The following GALNT13 variants were observed in gnomAD, a reference collection of about 807,000 sequenced individuals.
GALNT13 encodes the protein UDP-GalNAc:polypeptide N-acetylgalactosaminyltransferase 13.
Under a neutral mutation model 64.2 loss-of-function variants are expected in GALNT13, and 28 were observed. That is an observed-to-expected ratio of 0.44 (90% CI 0.32 to 0.60). The LOEUF (loss-of-function observed/expected upper bound fraction) is 0.60, where lower values mean the gene tolerates loss of function less well. Ranked by LOEUF, GALNT13 falls within the 20% of genes least tolerant of loss-of-function variation. The probability of loss-of-function intolerance (pLI) is 0.05; values close to 1 mark genes in which losing one functional copy is unlikely to be tolerated. For missense variants in GALNT13, 577 were observed against 669.8 expected (o/e 0.86, Z 1.53); for synonymous variants, 214 against 224.6 (o/e 0.95, Z 0.42).
At position 154,190,388 on chromosome 2, in the gene GALNT13, A is replaced by G. The variant is rs78977562; in HGVS notation, c.311+49883A>G. On this transcript the variant is annotated intron_variant, in intron 4 of 12. Coordinates refer to ENST00000392825, the MANE Select transcript of GALNT13 (RefSeq NM_052917.4). ...TAGGTATGTAGCTCTCCTTAGAATC[A>G]CAGCACTATGTGATTAACATGCTGG... Among the ~76,000 whole-genome samples the G allele has an allele frequency of 6.8e-3, 1,034 of 152,336 alleles. 8 individuals are homozygous for G. The highest frequency in any genetic ancestry group is 0.024 in the African/African-American group (999 of 41,570).
At chr2:153,419,132 A>G in the GALNT13 span, among the ~76,000 whole-genome samples, 1 of 152,224 alleles carries the variant, frequency 6.6e-6, no homozygotes, top group Non-Finnish European at 1.5e-5. Context: ...ACAGTTCCTC[A>G]GGGCTGGGGA....
intron 9 of GALNT13, among the ~76,000 whole-genome samples, chr2:154,387,022 C>T (rs1247084889): frequency 1.3e-5 from 2 of 152,090 alleles, no homozygotes; most frequent in Middle Eastern, 3.4e-3. Context: ...ATTTTTACTC[C>T]ATTAAAATAA....
At chr2:153,416,663 C>T in the GALNT13 span, among the ~76,000 whole-genome samples, 2 of 152,248 alleles carry the variant, frequency 1.3e-5, no homozygotes, top group East Asian at 3.9e-4. Context: ...AGGGTTATAT[C>T]TATTGGTGTT....
At chr2:153,780,236 T>TATATATATATATATATGC in the GALNT13 span, among the ~76,000 whole-genome samples, 6 of 11,214 alleles carry the variant, frequency 5.4e-4, no homozygotes, top group African/African-American at 1.2e-3. Flanking sequence ...TATATATATA[T>TATATATATATATATATGC]ATATATATAT....
At chr2:154,043,298 C>CA (rs1369259258) in intron 3 of GALNT13, among the ~76,000 whole-genome samples, 1 of 151,098 alleles carries the variant, frequency 6.6e-6, no homozygotes, top group Non-Finnish European at 1.5e-5. Context: ...GTAAATAAAG[C>CA]AAAAGAGTAA....
At chr2:154,216,759 AT>A (rs1192845115) in intron 4 of GALNT13, among the ~76,000 whole-genome samples, 1 of 137,144 alleles carries the variant, frequency 7.3e-6, no homozygotes, top group Non-Finnish European at 1.6e-5. Context: ...CTTTAAAATT[AT>A]TTTAAAAGGC....
chr2:153,202,319 T>C, the GALNT13 span, among the ~76,000 whole-genome samples: 2 of 152,290 alleles, frequency 1.3e-5, no homozygotes, highest in South Asian at 4.1e-4. Flanking sequence ...TTTCCCTGCC[T>C]TCTTCATTCA....
intron 9 of GALNT13, among the ~76,000 whole-genome samples, chr2:154,377,967 CACCCTTTTG>C (rs1468106181): frequency 1.3e-5 from 2 of 152,082 alleles, no homozygotes; most frequent in Admixed American, 1.3e-4. Flanking sequence ...AAAGACGTGC[CACCCTTTTG>C]GAGTGCATTC....
the GALNT13 span, among the ~76,000 whole-genome samples, chr2:153,069,148 A>T: frequency 6.6e-6 from 1 of 152,134 alleles, no homozygotes; most frequent in Non-Finnish European, 1.5e-5. Context: ...AGCGTCCAGG[A>T]GATGTGTGCT....
chr2:153,276,972 C>A, the GALNT13 span, among the ~76,000 whole-genome samples: 1 of 152,132 alleles, frequency 6.6e-6, no homozygotes, highest in Non-Finnish European at 1.5e-5. Flanking sequence ...TTTTTCCAGA[C>A]ATGAATGTTC....
chr2:153,681,399 T>C, the GALNT13 span, among the ~76,000 whole-genome samples: 1 of 151,814 alleles, frequency 6.6e-6, no homozygotes, highest in Admixed American at 6.6e-5. Context: ...GAACAAGAAA[T>C]CTAATCTTTT....
chr2:153,987,641 A>T (rs1269280597), intron 3 of GALNT13, among the ~76,000 whole-genome samples: 1 of 151,804 alleles, frequency 6.6e-6, no homozygotes, highest in Non-Finnish European at 1.5e-5. Context: ...TCTTTGGAGG[A>T]ATCATACTAC....
At chr2:153,817,813 A>G in the GALNT13 span, among the ~76,000 whole-genome samples, 1 of 152,200 alleles carries the variant, frequency 6.6e-6, no homozygotes, top group Non-Finnish European at 1.5e-5. Context: ...AGTATAAACT[A>G]CCCAAATTTA....
chr2:153,481,931 A>C, the GALNT13 span, among the ~76,000 whole-genome samples: 1 of 152,242 alleles, frequency 6.6e-6, no homozygotes, highest in Non-Finnish European at 1.5e-5. Flanking sequence ...CTTTTTAAAA[A>C]ATAAATTACA....
the GALNT13 span, among the ~76,000 whole-genome samples, chr2:153,324,366 G>A: frequency 6.6e-6 from 1 of 152,198 alleles, no homozygotes; most frequent in Non-Finnish European, 1.5e-5. Flanking sequence ...CTTTGCTGAA[G>A]TTGCTTATCA....
the GALNT13 span, among the ~76,000 whole-genome samples, chr2:153,147,090 C>T: frequency 0.095 from 14,431 of 151,656 alleles, 989 homozygotes; most frequent in Middle Eastern, 0.17. Flanking sequence ...CTGAGTTTCG[C>T]GGAGGAGAAA....
the GALNT13 span, among the ~76,000 whole-genome samples, chr2:153,591,486 T>C: frequency 6.6e-6 from 1 of 152,026 alleles, no homozygotes; most frequent in Admixed American, 6.6e-5. Context: ...GGACTCCAAA[T>C]AGCCAAAAGA....
At chr2:154,436,131 TG>T (rs918485592) in intron 11 of GALNT13, 2 of 152,226 alleles carry the variant, frequency 1.3e-5, no homozygotes, top group Non-Finnish European at 1.5e-5. Context: ...ATCTACAGAT[TG>T]TTTTTAACAT....
the GALNT13 span, among the ~76,000 whole-genome samples, chr2:153,140,628 C>CA: frequency 1.3e-5 from 2 of 151,952 alleles, no homozygotes; most frequent in African/African-American, 4.8e-5. Flanking sequence ...TTGAAAAACT[C>CA]AGAGTTTTAC....
Sources: allele counts gnomAD v4.1 joint callset (sites outside exome capture counted in the v4.1 genomes callset), GRCh38; gene constraint gnomAD v4.1.1; transcripts MANE v1.5; gene names NCBI Gene and HGNC (gene_info 2026-07-23, HGNC 2026-07-21).